The following CFAP20DC variants were observed in gnomAD, a reference collection of about 807,000 sequenced individuals.
CFAP20DC encodes the protein CFAP20 domain containing.
Under a neutral mutation model 101.7 loss-of-function variants are expected in CFAP20DC, and 84 were observed. The ratio of observed to expected loss-of-function variants is 0.83; its 90% confidence interval spans 0.69 to 0.99. CFAP20DC has a LOEUF of 0.99. Among genes scored for constraint, CFAP20DC ranks in the 50% least tolerant of loss-of-function variants. The pLI is 0.00. For missense variants in CFAP20DC, 1,007 were observed against 970.3 expected, an observed-to-expected ratio of 1.04 and a Z score of -0.50; for synonymous variants, 359 against 351.2, an observed-to-expected ratio of 1.02 and a Z score of -0.25.
intron 4 of CFAP20DC, among the ~76,000 whole-genome samples, chr3:58,959,090 C>T (rs1264693310): frequency 6.6e-6 from 1 of 151,904 alleles, no homozygotes; most frequent in Non-Finnish European, 1.5e-5. Context: ...TTAACTCTAA[C>T]ATTTATTTTT....
rs1039549358 is a variant in CFAP20DC, at chr3:58,722,047, A to C, written c.198-4419T>G. Among the ~76,000 whole-genome samples the C allele has an allele frequency of 6.6e-6, 1 of 152,188 alleles. No individual in the cohort carries two copies. ...CATGAGCTTTGTTTTCTTTTTACCTAGCTCACTTGGAACATTTGCTTTCTG... is the reference window on the plus strand; with the variant it reads ...CATGAGCTTTGTTTTCTTTTTACCTCGCTCACTTGGAACATTTGCTTTCTG... On this transcript the variant is annotated intron_variant, in intron 3 of 3. Transcript: ENST00000486145. The surrounding 1 kb of genome is among the most constrained non-coding windows in gnomAD (Gnocchi z 4.5).
At chr3:58,762,549 T>C (rs1158694186) in intron 15 of CFAP20DC, among the ~76,000 whole-genome samples, 1 of 152,214 alleles carries the variant, frequency 6.6e-6, no homozygotes, top group Admixed American at 6.5e-5. Flanking sequence ...TTAAGGTTAA[T>C]ATTGTTATGT....
At chr3:58,817,132 C>T (rs1271754017) in intron 14 of CFAP20DC, among the ~76,000 whole-genome samples, 4 of 151,880 alleles carry the variant, frequency 2.6e-5, no homozygotes, top group Non-Finnish European at 5.9e-5. Flanking sequence ...CACCGAAAAC[C>T]CATCTGTACA....
chr3:58,919,069 C>T (rs1206932567), intron 5 of CFAP20DC, among the ~76,000 whole-genome samples: 11 of 152,090 alleles, frequency 7.2e-5, no homozygotes, highest in African/African-American at 2.4e-4. Flanking sequence ...TTTTAATTGC[C>T]CCAGACAGAT....
At chr3:58,717,117 C>T (rs1027677555), downstream of CFAP20DC, among the ~76,000 whole-genome samples, 2 of 151,916 alleles carry the variant, frequency 1.3e-5, no homozygotes, top group African/African-American at 4.8e-5. This position sits in a 1 kb window ranked among gnomAD's most constrained non-coding sequence, Gnocchi z 4.1. Flanking sequence ...TCACTAGATA[C>T]AATCAGTGTA....
At chr3:58,900,521 T>C (rs2083056252) in intron 6 of CFAP20DC, among the ~76,000 whole-genome samples, 1 of 152,238 alleles carries the variant, frequency 6.6e-6, no homozygotes, top group Non-Finnish European at 1.5e-5. Flanking sequence ...ACATGTTCTA[T>C]CTTCTGGAAG....
At chr3:59,043,028 G>A (rs918828074) in intron 3 of CFAP20DC, among the ~76,000 whole-genome samples, 2 of 152,154 alleles carry the variant, frequency 1.3e-5, no homozygotes, top group African/African-American at 4.8e-5. Flanking sequence ...CAGAAGTTAG[G>A]CTTTGGACAT....
At position 58,864,348 on chromosome 3, in the gene CFAP20DC, T is replaced by C. The variant is rs947828964; in HGVS notation, c.1259-456A>G. Among the ~76,000 whole-genome samples the C allele has an allele frequency of 2.0e-5, 3 of 152,246 alleles. No individual in the cohort carries two copies. Among genetic ancestry groups the C allele is most frequent in the South Asian group, 2.1e-4 (1 of 4,838 alleles). On this transcript the variant is annotated intron_variant, in intron 11 of 16. Coordinates refer to ENST00000482387, the MANE Select transcript of CFAP20DC (RefSeq NM_001394063.1). This position sits in a 1 kb window ranked among gnomAD's most constrained non-coding sequence, Gnocchi z 4.7. ...ACGCAAAGCAAAGGAAGGCAATTTA[T>C]AGACCATCTTGTAACCTGCTAAACA...
intron 5 of CFAP20DC, among the ~76,000 whole-genome samples, chr3:58,916,764 A>C (rs1182260240): frequency 6.6e-6 from 1 of 152,168 alleles, no homozygotes; most frequent in African/African-American, 2.4e-5. Flanking sequence ...TTTTTGATTT[A>C]GCTGATATTG....
rs147527145 is a variant in CFAP20DC, at chr3:58,856,493, C to T, written c.1593+7065G>A. Among the ~76,000 whole-genome samples the T allele has an allele frequency of 4.6e-3, 708 of 152,306 alleles. 5 individuals carry two copies. The highest frequency in any genetic ancestry group is 0.017 in the African/African-American group (692 of 41,554). On this transcript the variant is annotated intron_variant, in intron 12 of 16. Coordinates refer to ENST00000482387, the MANE Select transcript of CFAP20DC (RefSeq NM_001394063.1). ...CATGACCTCAGCTGCAGGCACTGGGCAACCCTCTCTGCTGTAGGCCACTTA... is the reference window on the plus strand; with the variant it reads ...CATGACCTCAGCTGCAGGCACTGGGTAACCCTCTCTGCTGTAGGCCACTTA...
intron 3 of CFAP20DC, among the ~76,000 whole-genome samples, chr3:59,044,567 T>C (rs2109295227): frequency 6.6e-6 from 1 of 152,076 alleles, no homozygotes; most frequent in Non-Finnish European, 1.5e-5. Context: ...TTAAACTTGG[T>C]TTATTTCTTA....
chr3:58,746,749 A>G (rs564531010), intron 16 of CFAP20DC, among the ~76,000 whole-genome samples: 69 of 152,316 alleles, frequency 4.5e-4, no homozygotes, highest in African/African-American at 1.6e-3. Flanking sequence ...TAAAACTACC[A>G]ACAATGACAT....
intron 14 of CFAP20DC, among the ~76,000 whole-genome samples, chr3:58,810,713 G>A (rs1451088902): frequency 6.7e-6 from 1 of 148,456 alleles, no homozygotes; most frequent in Non-Finnish European, 1.5e-5. Context: ...GGGCAATTAG[G>A]CAGGAGAAGA....
chr3:58,782,299 AT>A (rs1363058932), intron 15 of CFAP20DC, among the ~76,000 whole-genome samples: 2 of 152,056 alleles, frequency 1.3e-5, no homozygotes, highest in Admixed American at 6.6e-5. Flanking sequence ...AATAAAGGCC[AT>A]ATATGACACA....
At chr3:58,983,644 A>G (rs1482861492) in intron 4 of CFAP20DC, among the ~76,000 whole-genome samples, 2 of 152,366 alleles carry the variant, frequency 1.3e-5, no homozygotes, top group Non-Finnish European at 2.9e-5. Flanking sequence ...AATAATCACC[A>G]TAACACACCA....
intron 5 of CFAP20DC, among the ~76,000 whole-genome samples, chr3:58,929,447 C>T (rs114395238): frequency 0.037 from 5,648 of 152,224 alleles, 142 homozygotes; most frequent in Non-Finnish European, 0.054. Flanking sequence ...TCTGAAGAAT[C>T]TTACATGAAT....
chr3:58,894,694 T>C lies in CFAP20DC; in HGVS notation c.551-9985A>G, dbSNP rs760561233. 6.6e-6 allele frequency among the ~76,000 whole-genome samples: 1 copy of C among 152,116 alleles called. No individual in the cohort carries two copies. The highest frequency in any genetic ancestry group is 1.5e-5 in the Non-Finnish European group (1 of 68,020). On this transcript the variant is annotated intron_variant, in intron 6 of 16. Coordinates refer to ENST00000482387, the MANE Select transcript of CFAP20DC (RefSeq NM_001394063.1). This position sits in a 1 kb window ranked among gnomAD's most constrained non-coding sequence, Gnocchi z 4.1. ...AGGATGGTGGCCCTCTTCTTACAGC[T>C]CCACTAGATGGTGCCCCAGTAGGGA...
chr3:58,926,666 G>C (rs892859444), intron 5 of CFAP20DC, among the ~76,000 whole-genome samples: 2 of 152,068 alleles, frequency 1.3e-5, no homozygotes, highest in Non-Finnish European at 2.9e-5. Context: ...GATCCATGAG[G>C]GGAAGTTTTA....
intron 4 of CFAP20DC, among the ~76,000 whole-genome samples, chr3:58,946,893 T>C (rs990124071): frequency 6.6e-6 from 1 of 152,216 alleles, no homozygotes; most frequent in Admixed American, 6.5e-5. Context: ...AGAACCTGCA[T>C]ACCATTTTAC....
Sources: gnomAD v4.1 joint callset for allele counts (sites outside exome capture counted in the v4.1 genomes callset) on GRCh38, gnomAD v4.1.1 for gene constraint, Gnocchi (gnomAD v3.1) non-coding constraint, MANE v1.5 for transcripts, NCBI Gene and HGNC (gene_info 2026-07-23, HGNC 2026-07-21) for gene names.